TPD52: variants seen among roughly 807,000 people sequenced by gnomAD.
The protein encoded by TPD52 is prostate and colon associated protein.
A neutral mutation model predicts 31.3 loss-of-function variants in TPD52; 17 were observed. The ratio of observed to expected loss-of-function variants is 0.54; its 90% confidence interval spans 0.37 to 0.82. TPD52 has a LOEUF of 0.82. TPD52 is among the 40% of genes least tolerant of loss of function. The pLI, the probability that TPD52 is intolerant of heterozygous loss-of-function variation, is 0.00. For missense variants in TPD52, 212 were observed against 240.1 expected (o/e 0.88, Z 0.77); for synonymous variants, 83 against 89.6 (o/e 0.93, Z 0.42).
At chr8:80,065,299 C>CTA (rs1427652724) in intron 1 of TPD52, among the ~76,000 whole-genome samples, 12 of 100,220 alleles carry the variant, frequency 1.2e-4, no homozygotes, top group Admixed American at 4.1e-4. Context: ...CTATATCTAT[C>CTA]TATCTATATA....
chr8:80,146,504 G>C (rs1413784174), intron 1 of TPD52, among the ~76,000 whole-genome samples: 2 of 152,190 alleles, frequency 1.3e-5, no homozygotes, highest in Non-Finnish European at 2.9e-5. Flanking sequence ...AACTACCTAA[G>C]GCCGGGCATT....
At chr8:80,042,125 C>T (rs1420399614) in intron 7 of TPD52, 1 of 942,516 alleles carries the variant, frequency 1.1e-6, no homozygotes, top group Admixed American at 6.2e-5. Flanking sequence ...AGCCATTGCA[C>T]ATAATATTGA....
At chr8:80,133,854 C>T (rs1809201953) in intron 1 of TPD52, among the ~76,000 whole-genome samples, 1 of 151,350 alleles carries the variant, frequency 6.6e-6, no homozygotes, top group African/African-American at 2.4e-5. Flanking sequence ...ATATTCAAAA[C>T]ACCCCAAGGA....
intron 1 of TPD52, among the ~76,000 whole-genome samples, chr8:80,101,871 T>C (rs961177651): frequency 2.0e-5 from 3 of 151,948 alleles, no homozygotes; most frequent in Non-Finnish European, 4.4e-5. Flanking sequence ...AACATGAGAT[T>C]TGGAGGGAAC....
At chr8:80,053,999 G>A (rs141486189) in intron 2 of TPD52, among the ~76,000 whole-genome samples, 33 of 152,150 alleles carry the variant, frequency 2.2e-4, no homozygotes, top group Middle Eastern at 6.8e-3. Flanking sequence ...AAATCAAACC[G>A]CCTCCTCAGG....
At chr8:80,125,918 C>T (rs965762907) in intron 1 of TPD52, among the ~76,000 whole-genome samples, 4 of 152,188 alleles carry the variant, frequency 2.6e-5, no homozygotes, top group Non-Finnish European at 4.4e-5. Flanking sequence ...TCATCACACA[C>T]GGCCTAAGTG....
Position 80,165,030 on chromosome 8 carries a change from C to T in TPD52, c.19+6395G>A, listed in dbSNP as rs181435126. ...AACAACTCATCTCATAAACGGGGTA[C>T]ATTCTATAAAATACAATAGAAAAAT... is the stretch of plus-strand genomic sequence containing the variant. On this transcript the variant is annotated intron_variant, in intron 1 of 7. Coordinates refer to ENST00000518937, the MANE Select transcript of TPD52 (RefSeq NM_001025253.3). Among the ~76,000 whole-genome samples the T allele has an allele frequency of 8.4e-4, 125 of 149,066 alleles. 1 individual carries two copies. Among genetic ancestry groups the T allele is most frequent in the African/African-American group, 2.9e-3 (117 of 40,412 alleles).
At chr8:80,169,001 T>C (rs2131290359) in intron 1 of TPD52, among the ~76,000 whole-genome samples, 1 of 152,304 alleles carries the variant, frequency 6.6e-6, no homozygotes, top group South Asian at 2.1e-4. Flanking sequence ...TGTTTGTTTT[T>C]TGAGATAGAG....
rs1410281223 is a variant in TPD52 at position 80,035,664 on chromosome 8, CACTG to C, written c.*2448_*2451del. On this transcript the variant is annotated 3_prime_UTR_variant, in exon 8 of 8. Coordinates refer to ENST00000518937, the MANE Select transcript of TPD52 (RefSeq NM_001025253.3). Reference sequence around the variant, plus strand: ...TCCAGTTTTGAGCTCTACTCTCTTCCACTGACTACTTGGCTCTCATAAGCATAAG... The same window carrying C: ...TCCAGTTTTGAGCTCTACTCTCTTCCACTACTTGGCTCTCATAAGCATAAG... The C allele has an allele frequency of 1.3e-5, 2 of 152,174 alleles. No individual in the cohort carries two copies. The highest frequency in any genetic ancestry group is 6.5e-5 in the Admixed American group (1 of 15,278). The allele number at this position is 152,174 out of a possible 1,614,324, so 9.4% of individuals were successfully genotyped here.
At chr8:80,033,316 G>T (rs1563548943), downstream of TPD52, 1 of 140,518 alleles carries the variant, frequency 7.1e-6, no homozygotes, top group African/African-American at 2.7e-5. Flanking sequence ...GGGGAGGGGG[G>T]TTGGGGGGGG....
In TPD52 at chr8:80,064,510, C is replaced by T. The variant is rs1453950680; in HGVS notation, c.103G>A (p.Glu35Lys). The T allele has an allele frequency of 5.6e-6, 9 of 1,614,004 alleles. No individual in the cohort carries two copies. The highest frequency in any genetic ancestry group is 1.3e-5 in the African/African-American group (1 of 74,910). ...ISATETLSEEEQEELRRELAK... is the reference protein window; with the variant it reads ...ISATETLSEEKQEELRRELAK... ...AGTTCTCTTCTTAGCTCTTCCTGCTCCTCTTCCGAGAGGGTCTCTGTGGCA... is the reference window on the plus strand; with the variant it reads ...AGTTCTCTTCTTAGCTCTTCCTGCTTCTCTTCCGAGAGGGTCTCTGTGGCA... The change falls in exon 2 of 8, where the codon GAG becomes AAG. Residue 35 changes from glutamate to lysine, a missense_variant. Glu to Lys is a moderately conservative substitution (Grantham distance 56). Transcript: ENST00000518937.
At chr8:80,097,168 C>A (rs1806398345) in intron 1 of TPD52, among the ~76,000 whole-genome samples, 2 of 152,136 alleles carry the variant, frequency 1.3e-5, no homozygotes, top group Admixed American at 1.3e-4. Context: ...AAAGCCTAAT[C>A]CAGGGCAAGG....
intron 4 of TPD52, chr8:80,051,294 A>G (rs926053295): frequency 3.7e-6 from 2 of 537,288 alleles, no homozygotes; most frequent in Non-Finnish European, 6.6e-6. Context: ...GAAGTTCACA[A>G]CCAGAATTTT....
chr8:80,070,375 T>C (rs1813638805), intron 1 of TPD52, among the ~76,000 whole-genome samples: 1 of 152,168 alleles, frequency 6.6e-6, no homozygotes, highest in East Asian at 1.9e-4. Context: ...ATCGTTTAAG[T>C]CAGCAGTCCC....
intron 1 of TPD52, among the ~76,000 whole-genome samples, chr8:80,148,634 A>G (rs1337357621): frequency 6.6e-6 from 1 of 152,162 alleles, no homozygotes; most frequent in Non-Finnish European, 1.5e-5. Context: ...CTCTGTAACA[A>G]GCACTCTTCA....
downstream of TPD52, among the ~76,000 whole-genome samples, chr8:80,031,934 C>G (rs1489045545): frequency 6.6e-6 from 1 of 152,062 alleles, no homozygotes; most frequent in Non-Finnish European, 1.5e-5. Flanking sequence ...GGGCAGATCA[C>G]CTGAAGTCAG....
intron 1 of TPD52, among the ~76,000 whole-genome samples, chr8:80,083,788 G>A (rs1053157487): frequency 6.6e-6 from 1 of 152,082 alleles, no homozygotes; most frequent in African/African-American, 2.4e-5. Context: ...TGGACTAGTC[G>A]GCCTGGGGAA....
At chr8:80,075,467 C>G (rs1473996519) in intron 1 of TPD52, among the ~76,000 whole-genome samples, 1 of 152,204 alleles carries the variant, frequency 6.6e-6, no homozygotes, top group Non-Finnish European at 1.5e-5. Flanking sequence ...CAAAGCTTCA[C>G]TTCACAGAAA....
At position 80,037,613 on chromosome 8, in the gene TPD52, T is replaced by G. The variant is rs1809998789; in HGVS notation, c.*503A>C. The G allele has an allele frequency of 1.3e-5, 2 of 152,358 alleles. No individual in the cohort carries two copies. The highest frequency in any genetic ancestry group is 2.9e-5 in the Non-Finnish European group (2 of 68,150). 9.4% of individuals were successfully genotyped at this position (152,358 alleles called of 1,614,324 possible). On this transcript the variant is annotated 3_prime_UTR_variant, in exon 8 of 8. Transcript: ENST00000518937. ...CAAAACAATGCTTATTCCAAAATAT[T>G]TTTTGTAGCTAGTAGTTCTTTCCTT...
Sources: allele counts gnomAD v4.1 joint callset (sites outside exome capture counted in the v4.1 genomes callset), GRCh38; gene constraint gnomAD v4.1.1; transcripts MANE v1.5; gene names NCBI Gene and HGNC (gene_info 2026-07-23, HGNC 2026-07-21).